CDH12: variants seen among roughly 807,000 people sequenced by gnomAD.
CDH12 encodes the protein cadherin-12.
CDH12 carries 41 observed loss-of-function variants against 74.1 expected under a neutral mutation model. That is an observed-to-expected ratio of 0.55 (90% CI 0.43 to 0.72). The LOEUF (loss-of-function observed/expected upper bound fraction) is 0.72. Among genes scored for constraint, CDH12 ranks in the 30% least tolerant of loss-of-function variants. The pLI, the probability that CDH12 is intolerant of heterozygous loss-of-function variation, is 0.00. For missense variants in CDH12, 945 were observed against 977.2 expected, an observed-to-expected ratio of 0.97 and a Z score of 0.44; for synonymous variants, 399 against 355.0, an observed-to-expected ratio of 1.12 and a Z score of -1.39.
chr5:22,099,110 T>C (rs946159795), intron 4 of CDH12, among the ~76,000 whole-genome samples: 8 of 152,130 alleles, frequency 5.3e-5, no homozygotes, highest in African/African-American at 1.9e-4. Flanking sequence ...AAATACCTCT[T>C]AGTCTAGGTA....
chr5:22,651,409 T>A (rs945022378), intron 1 of CDH12, among the ~76,000 whole-genome samples: 3 of 152,066 alleles, frequency 2.0e-5, no homozygotes, highest in Non-Finnish European at 4.4e-5. Flanking sequence ...CTCAGGAAAC[T>A]TACAGTGATG....
chr5:22,827,999 G>A (rs1031678982), intron 1 of CDH12, among the ~76,000 whole-genome samples: 1 of 152,084 alleles, frequency 6.6e-6, no homozygotes, highest in East Asian at 1.9e-4. Context: ...ATGGGCATTT[G>A]TTCTAAAGTT....
At chr5:22,306,126 T>C (rs772037429) in intron 3 of CDH12, among the ~76,000 whole-genome samples, 5 of 152,208 alleles carry the variant, frequency 3.3e-5, no homozygotes, top group Non-Finnish European at 5.9e-5. Context: ...ATACAAATGT[T>C]TTCTTTTGCC....
At chr5:22,432,905 G>A (rs559921957) in intron 2 of CDH12, among the ~76,000 whole-genome samples, 4 of 152,112 alleles carry the variant, frequency 2.6e-5, no homozygotes, top group African/African-American at 7.2e-5. Context: ...ATCTGTGGAC[G>A]GCCAGAGTCA....
intron 2 of CDH12, among the ~76,000 whole-genome samples, chr5:22,461,030 C>CATT (rs1745491973): frequency 1.6e-5 from 1 of 63,562 alleles, no homozygotes; most frequent in African/African-American, 6.5e-5. Flanking sequence ...CAATGTCTAG[C>CATT]TTTTTTTTTT....
At chr5:22,560,066 A>G (rs1738971668) in intron 1 of CDH12, among the ~76,000 whole-genome samples, 1 of 152,154 alleles carries the variant, frequency 6.6e-6, no homozygotes, top group African/African-American at 2.4e-5. Flanking sequence ...GTCATTGCCA[A>G]TAAAAAGCTC....
chr5:22,120,994 T>C (rs756610219), intron 4 of CDH12, among the ~76,000 whole-genome samples: 7 of 152,184 alleles, frequency 4.6e-5, no homozygotes, highest in Non-Finnish European at 1.0e-4. Flanking sequence ...TTTAGCAACA[T>C]TATATGTAAT....
chr5:22,684,145 T>C (rs559002186), intron 1 of CDH12, among the ~76,000 whole-genome samples: 12 of 152,102 alleles, frequency 7.9e-5, no homozygotes, highest in African/African-American at 2.9e-4. Context: ...TTTTAAAAAA[T>C]ACTCTTTAAA....
Position 22,336,392 on chromosome 5 carries a change from G to A in CDH12, c.-333+68865C>T, listed in dbSNP as rs568856959. 3.3e-5 allele frequency among the ~76,000 whole-genome samples: 5 copies of A among 152,304 alleles called. No homozygotes were observed. In the South Asian group the frequency reaches 1.0e-3, roughly 32 times the overall value. ...CCAAATGTTAATCCCCAAGACAAGG[G>A]GGAAAATATCTCCAGGGCATGTTAG... On this transcript the variant is annotated intron_variant, in intron 3 of 14. Transcript: ENST00000382254.
chr5:22,718,710 G>A (rs1160373546), intron 1 of CDH12, among the ~76,000 whole-genome samples: 2 of 152,076 alleles, frequency 1.3e-5, no homozygotes, highest in Admixed American at 6.6e-5. Flanking sequence ...CTCCAGGAAG[G>A]GCTGCAAACT....
At chr5:22,087,381 T>C (rs1269950384) in intron 4 of CDH12, among the ~76,000 whole-genome samples, 3 of 152,112 alleles carry the variant, frequency 2.0e-5, no homozygotes, top group Admixed American at 6.5e-5. Flanking sequence ...GGCTCACACC[T>C]CTAATCCCAA....
intron 8 of CDH12, among the ~76,000 whole-genome samples, chr5:21,836,389 G>T (rs1042428741): frequency 2.7e-5 from 4 of 149,576 alleles, no homozygotes; most frequent in Non-Finnish European, 5.9e-5. Flanking sequence ...GATTATTGAC[G>T]TACTATTTTC....
intron 1 of CDH12, among the ~76,000 whole-genome samples, chr5:22,559,514 A>G (rs560663059): frequency 1.3e-5 from 2 of 152,214 alleles, no homozygotes; most frequent in Non-Finnish European, 2.9e-5. Flanking sequence ...ATTTTGGAAG[A>G]GTGCTATGAA....
chr5:22,208,534 C>T (rs1366344687), intron 4 of CDH12, among the ~76,000 whole-genome samples: 1 of 152,242 alleles, frequency 6.6e-6, no homozygotes, highest in Non-Finnish European at 1.5e-5. Flanking sequence ...TTACGTTTCT[C>T]AACTTCTTTT....
At position 21,802,175 on chromosome 5, in the gene CDH12, A is replaced by T; in HGVS notation, c.1248T>A (p.Ser416Arg). The change falls in exon 10 of 15, where the codon AGT becomes AGA. Residue 416 changes from serine to arginine, a missense_variant. This residue lies in a region of CDH12 where 791 missense variants were observed against 792.8 expected (regional missense o/e 1.00). Coordinates refer to ENST00000382254, the MANE Select transcript of CDH12 (RefSeq NM_004061.5). ...ATGTTTCTTTTTCTCACCTAACAGC[A>T]CTGCTGCCTACATCCAGGTCTTGAG... ...VTAQDLDVGS[S>R]AVRYFIDWKS... is the part of the protein sequence containing the mutation. 1 of 1,613,250 alleles carries T rather than the reference A, an allele frequency of 6.2e-7. No individual in the cohort carries two copies. The highest frequency in any genetic ancestry group is 8.5e-7 in the Non-Finnish European group (1 of 1,179,516).
intron 12 of CDH12, among the ~76,000 whole-genome samples, chr5:21,762,897 T>C (rs2149873762): frequency 6.6e-6 from 1 of 151,722 alleles, no homozygotes; most frequent in Middle Eastern, 3.4e-3. Flanking sequence ...TTTTTGTCTT[T>C]GTTTAGTGAG....
chr5:22,785,348 T>C (rs552283041), intron 1 of CDH12, among the ~76,000 whole-genome samples: 1 of 152,314 alleles, frequency 6.6e-6, no homozygotes, highest in South Asian at 2.1e-4. Context: ...TTCTTGATTC[T>C]GATGTAAATC....
chr5:22,746,439 G>A (rs1339503822), intron 1 of CDH12, among the ~76,000 whole-genome samples: 2 of 152,148 alleles, frequency 1.3e-5, no homozygotes, highest in East Asian at 3.9e-4. Flanking sequence ...GTTTATCAGA[G>A]ATCTGTTTAA....
chr5:22,401,318 A>G (rs1454931684), intron 3 of CDH12, among the ~76,000 whole-genome samples: 1 of 152,136 alleles, frequency 6.6e-6, no homozygotes, highest in African/African-American at 2.4e-5. Context: ...ATTCTCTAAA[A>G]TTTACTGTAC....
Sources: allele counts gnomAD v4.1 joint callset (sites outside exome capture counted in the v4.1 genomes callset), GRCh38; gene constraint gnomAD v4.1.1; regional missense constraint gnomAD v4.1.1; transcripts MANE v1.5; gene names NCBI Gene and HGNC (gene_info 2026-07-23, HGNC 2026-07-21).